EML5: variants seen among roughly 807,000 people sequenced by gnomAD.
EML5 encodes the protein EMAP like 5.
EML5 carries 120 observed loss-of-function variants against 250.0 expected under a neutral mutation model. That is an observed-to-expected ratio of 0.48 (90% CI 0.41 to 0.56). EML5 has a LOEUF of 0.56. EML5 is among the 20% of genes least tolerant of loss of function. The probability of loss-of-function intolerance (pLI) is 0.00; values close to 1 mark genes in which losing one functional copy is unlikely to be tolerated. For missense variants in EML5, 2,006 were observed against 2,437.6 expected, an observed-to-expected ratio of 0.82 and a Z score of 3.73; for synonymous variants, 771 against 806.5, an observed-to-expected ratio of 0.96 and a Z score of 0.75.
At position 88,623,954 on chromosome 14, in the gene EML5, G is replaced by A. The variant is rs551814218; in HGVS notation, c.4898+1016C>T. The stretch of plus-strand genomic sequence containing the variant: ...ATTGCTTGTCTGAAAGCATGCCTAT[G>A]TGCATTCTTCCTTTATGTAAAAGGC... On this transcript the variant is annotated intron_variant, in intron 36 of 43. Transcript: ENST00000554922. 4 of 152,288 alleles carry A rather than the reference G, an allele frequency of 2.6e-5. No homozygotes were observed. The East Asian group carries it at 7.7e-4, about 29-fold the overall frequency. 9.4% of individuals were successfully genotyped at this position (152,288 alleles called of 1,614,324 possible).
At chr14:88,629,446 T>C (rs894999013) in intron 33 of EML5, among the ~76,000 whole-genome samples, 4 of 152,224 alleles carry the variant, frequency 2.6e-5, no homozygotes, top group African/African-American at 9.6e-5. Context: ...ACTTAGACTG[T>C]TCTAAACTTA....
intron 1 of EML5, among the ~76,000 whole-genome samples, chr14:88,770,075 G>T (rs2094372735): frequency 6.6e-6 from 1 of 152,078 alleles, no homozygotes; most frequent in African/African-American, 2.4e-5. Context: ...CAGAGGAGAG[G>T]AAAGAGCGCT....
At chr14:88,701,138 T>C (rs1051193492) in intron 14 of EML5, among the ~76,000 whole-genome samples, 6 of 152,168 alleles carry the variant, frequency 3.9e-5, no homozygotes, top group Non-Finnish European at 8.8e-5. Flanking sequence ...TTGTACATAT[T>C]TCTACATTTA....
At chr14:88,772,709 T>C (rs1031146679) in intron 1 of EML5, among the ~76,000 whole-genome samples, 5 of 151,710 alleles carry the variant, frequency 3.3e-5, no homozygotes, top group African/African-American at 1.2e-4. Context: ...GCCGAGATCC[T>C]GCCACTGCAC....
intron 1 of EML5, among the ~76,000 whole-genome samples, chr14:88,762,386 T>C (rs113264537): frequency 2.4e-4 from 37 of 152,066 alleles, no homozygotes; most frequent in Non-Finnish European, 4.4e-4. Flanking sequence ...GGCACATGCC[T>C]GTAATCCCAG....
chr14:88,702,056 A>G (rs1054542806), intron 14 of EML5, among the ~76,000 whole-genome samples: 1 of 152,160 alleles, frequency 6.6e-6, no homozygotes, highest in African/African-American at 2.4e-5. Flanking sequence ...TTGTAAAATA[A>G]AGAGACATAG....
intron 22 of EML5, 70 bp from the exon 23 acceptor site, chr14:88,664,694 G>T (rs2092254122): frequency 1.4e-6 from 2 of 1,477,132 alleles, no homozygotes; most frequent in Admixed American, 2.3e-5. Context: ...TGCAACTAGA[G>T]TTAATTTTCC....
chr14:88,715,849 T>C (rs1223981215), intron 8 of EML5, among the ~76,000 whole-genome samples: 1 of 151,958 alleles, frequency 6.6e-6, no homozygotes, highest in Non-Finnish European at 1.5e-5. Flanking sequence ...CGTTTTTAAA[T>C]AGAACACACA....
Position 88,688,472 on chromosome 14 carries a change from C to A in EML5, c.2541G>T (p.Gly847=). ...AGCCTTTTCTTCCAATCAATCCTCC[C>A]CCTAGTTCACAAAAAATATTATGAA... is the stretch of plus-strand genomic sequence containing the variant. ...IKHMKFWRKA[G]GGLIGRKGYI... is the part of the protein sequence containing the mutation. Residue 847 remains glycine, a splice_region_variant and synonymous_variant, in exon 18 of 44, where the codon GGG becomes GGT. Coordinates refer to ENST00000554922, the MANE Select transcript of EML5 (RefSeq NM_183387.3). 6.2e-7 allele frequency: 1 copy of A among 1,613,098 alleles called. No individual in the cohort carries two copies. Among genetic ancestry groups the A allele is most frequent in the Non-Finnish European group, 8.5e-7 (1 of 1,179,704 alleles).
chr14:88,712,927 T>A (rs1483418596), intron 9 of EML5, among the ~76,000 whole-genome samples: 1 of 152,200 alleles, frequency 6.6e-6, no homozygotes, highest in African/African-American at 2.4e-5. Flanking sequence ...GAGTGTAGGA[T>A]AATATATTTA....
At chr14:88,711,561 G>T (rs935977323) in intron 10 of EML5, among the ~76,000 whole-genome samples, 1 of 151,768 alleles carries the variant, frequency 6.6e-6, no homozygotes, top group Non-Finnish European at 1.5e-5. Context: ...GCAGCATAGA[G>T]GAAACTGCCC....
intron 36 of EML5, 124 bp from the exon 37 acceptor site, chr14:88,622,842 C>A (rs766095832): frequency 3.5e-5 from 19 of 548,146 alleles, no homozygotes; most frequent in Non-Finnish European, 5.4e-5. Flanking sequence ...TTATAATTTA[C>A]CTCTAATATT....
chr14:88,661,900 C>T (rs1001099037), intron 24 of EML5, 70 bp from the exon 25 acceptor site: 1 of 1,376,436 alleles, frequency 7.3e-7, no homozygotes, highest in African/African-American at 1.4e-5. Flanking sequence ...AAAATGTAAA[C>T]ATTTTTCTTT....
chr14:88,734,894 CAT>C, intron 7 of EML5, among the ~76,000 whole-genome samples: 1 of 152,198 alleles, frequency 6.6e-6, no homozygotes, highest in East Asian at 1.9e-4. Flanking sequence ...ACTGAAAAGA[CAT>C]ATCAGCAAAC....
intron 21 of EML5, among the ~76,000 whole-genome samples, chr14:88,679,238 G>A (rs2092665023): frequency 6.6e-6 from 1 of 150,446 alleles, no homozygotes; most frequent in African/African-American, 2.5e-5. Context: ...CACAAGTACT[G>A]GGGGGTTAGA....
chr14:88,758,037 T>G (rs2140420265), intron 1 of EML5, among the ~76,000 whole-genome samples: 1 of 146,260 alleles, frequency 6.8e-6, no homozygotes, highest in East Asian at 2.0e-4. Context: ...TTTTTTTTTT[T>G]GTAGAGATGG....
Sources: gnomAD v4.1 joint callset for allele counts (sites outside exome capture counted in the v4.1 genomes callset) on GRCh38, gnomAD v4.1.1 for gene constraint, MANE v1.5 for transcripts, NCBI Gene and HGNC (gene_info 2026-07-23, HGNC 2026-07-21) for gene names.